Variants in THSD7B observed in about 807,000 individuals in gnomAD.
The protein encoded by THSD7B is thrombospondin type-1 domain-containing protein 7B.
In THSD7B, 138 loss-of-function variants were observed where a neutral mutation model predicts 213.6. That is an observed-to-expected ratio of 0.65 (90% CI 0.56 to 0.74). The LOEUF (loss-of-function observed/expected upper bound fraction) is 0.74, where lower values mean the gene tolerates loss of function less well. THSD7B is among the 30% of genes least tolerant of loss of function. The probability of loss-of-function intolerance (pLI) is 0.00; values close to 1 mark genes in which losing one functional copy is unlikely to be tolerated. For missense variants in THSD7B, 1,931 were observed against 1,991.5 expected, an observed-to-expected ratio of 0.97 and a Z score of 0.58; for synonymous variants, 742 against 687.0, an observed-to-expected ratio of 1.08 and a Z score of -1.25.
At chr2:137,670,014 C>A (rs1683529854) in intron 27 of THSD7B, among the ~76,000 whole-genome samples, 1 of 152,076 alleles carries the variant, frequency 6.6e-6, no homozygotes, top group African/African-American at 2.4e-5. Flanking sequence ...GATACAAATG[C>A]AGTTTTGCTA....
intron 2 of THSD7B, among the ~76,000 whole-genome samples, chr2:136,961,090 A>AAC (rs1174961237): frequency 6.8e-6 from 1 of 146,044 alleles, no homozygotes; most frequent in Non-Finnish European, 1.5e-5. Context: ...CTCCGTCTCA[A>AAC]AAAAAAAAAA....
At chr2:137,578,982 G>A (rs1363012425) in intron 17 of THSD7B, among the ~76,000 whole-genome samples, 2 of 152,138 alleles carry the variant, frequency 1.3e-5, no homozygotes, top group East Asian at 3.8e-4. Context: ...AATATTTGAA[G>A]AAATAATAGC....
chr2:136,937,115 T>G (rs946562493), intron 2 of THSD7B, among the ~76,000 whole-genome samples: 2 of 152,052 alleles, frequency 1.3e-5, no homozygotes, highest in African/African-American at 2.4e-5. Flanking sequence ...AGTCTCCCCA[T>G]TCTCCTGCAC....
intron 10 of THSD7B, among the ~76,000 whole-genome samples, chr2:137,264,654 A>G (rs1377092535): frequency 1.3e-5 from 2 of 152,102 alleles, no homozygotes; most frequent in Non-Finnish European, 2.9e-5. Context: ...CTTCAGTATT[A>G]TGGCATCCAT....
chr2:137,203,299 T>C (rs1027247346), intron 7 of THSD7B, among the ~76,000 whole-genome samples: 2 of 152,120 alleles, frequency 1.3e-5, no homozygotes, highest in African/African-American at 4.8e-5. Context: ...ATACCTGAAA[T>C]TAAGCTGCTT....
intron 21 of THSD7B, among the ~76,000 whole-genome samples, chr2:137,652,574 A>G (rs1573767467): frequency 6.6e-6 from 1 of 152,002 alleles, no homozygotes; most frequent in South Asian, 2.1e-4. Flanking sequence ...ATTGATAGGA[A>G]CTTGCTACTG....
chr2:137,641,876 GA>G (rs1278272987), intron 20 of THSD7B, among the ~76,000 whole-genome samples: 5 of 151,896 alleles, frequency 3.3e-5, no homozygotes, highest in East Asian at 1.9e-4. Flanking sequence ...CTAAACCTCT[GA>G]AAAAAAATTG....
At chr2:137,059,948 C>T (rs533859399) in intron 3 of THSD7B, among the ~76,000 whole-genome samples, 3 of 152,184 alleles carry the variant, frequency 2.0e-5, no homozygotes, top group African/African-American at 7.2e-5. Context: ...AAGAAACTGC[C>T]CAGCTGTCTT....
At chr2:137,505,170 A>G (rs554352801) in intron 15 of THSD7B, among the ~76,000 whole-genome samples, 2 of 152,344 alleles carry the variant, frequency 1.3e-5, no homozygotes, top group Non-Finnish European at 2.9e-5. Context: ...CCTGCTTTGT[A>G]TCTCTGCTGC....
intron 12 of THSD7B, among the ~76,000 whole-genome samples, chr2:137,278,292 T>G (rs1428864452): frequency 3.9e-5 from 6 of 152,074 alleles, no homozygotes; most frequent in Non-Finnish European, 7.4e-5. Context: ...CCTAAAGCCT[T>G]CCAGAGTAAA....
intron 1 of THSD7B, among the ~76,000 whole-genome samples, chr2:136,832,121 A>G (rs1186704383): frequency 6.6e-6 from 1 of 151,900 alleles, no homozygotes; most frequent in Non-Finnish European, 1.5e-5. Context: ...GTACTGGTTG[A>G]GATGGTTATT....
intron 6 of THSD7B, among the ~76,000 whole-genome samples, chr2:137,170,297 T>C: frequency 6.6e-6 from 1 of 152,160 alleles, no homozygotes; most frequent in East Asian, 1.9e-4. Flanking sequence ...GAGCAGGAAG[T>C]TGTGAATGGT....
intron 15 of THSD7B, among the ~76,000 whole-genome samples, chr2:137,461,842 C>G (rs1008478920): frequency 6.6e-6 from 1 of 152,106 alleles, no homozygotes; most frequent in Non-Finnish European, 1.5e-5. Context: ...GTTTCTATCT[C>G]CTCATCAGCC....
intron 2 of THSD7B, among the ~76,000 whole-genome samples, chr2:136,892,359 C>A (rs1311384788): frequency 6.6e-6 from 1 of 152,140 alleles, no homozygotes; most frequent in Non-Finnish European, 1.5e-5. Flanking sequence ...CTGGCCACTC[C>A]TAGCCACAAG....
At chr2:137,419,094 G>A (rs1330256970) in intron 14 of THSD7B, among the ~76,000 whole-genome samples, 2 of 151,840 alleles carry the variant, frequency 1.3e-5, no homozygotes, top group Non-Finnish European at 2.9e-5. Context: ...TTTTACTGGA[G>A]ATGGGTTTTC....
chr2:137,000,061 A>T (rs1685972936), intron 2 of THSD7B, among the ~76,000 whole-genome samples: 1 of 152,298 alleles, frequency 6.6e-6, no homozygotes, highest in South Asian at 2.1e-4. Context: ...GTATAATGGA[A>T]GAGACTGGCT....
At chr2:137,637,452 T>C (rs916714299) in intron 20 of THSD7B, among the ~76,000 whole-genome samples, 1 of 152,242 alleles carries the variant, frequency 6.6e-6, no homozygotes, top group African/African-American at 2.4e-5. Context: ...ATAGTTTTTG[T>C]TGAAGTTTAA....
intron 1 of THSD7B, among the ~76,000 whole-genome samples, chr2:136,825,508 C>G (rs574010542): frequency 3.0e-4 from 45 of 152,080 alleles, no homozygotes; most frequent in African/African-American, 1.0e-3. Context: ...CCTATACTTC[C>G]AGTTTTTCTT....
At chr2:137,140,492 C>A (rs1022842801) in intron 5 of THSD7B, among the ~76,000 whole-genome samples, 2 of 152,076 alleles carry the variant, frequency 1.3e-5, no homozygotes, top group Non-Finnish European at 2.9e-5. Context: ...ACAGATACCA[C>A]CAAAATTTCC....
Sources: allele counts gnomAD v4.1 joint callset (sites outside exome capture counted in the v4.1 genomes callset), GRCh38; gene constraint gnomAD v4.1.1; transcripts MANE v1.5; gene names NCBI Gene and HGNC (gene_info 2026-07-23, HGNC 2026-07-21).